The following DNAJC3 variants were observed in gnomAD, a reference collection of about 807,000 sequenced individuals.
DNAJC3 encodes dnaJ homolog subfamily C member 3.
DNAJC3 carries 38 observed loss-of-function variants against 68.6 expected under a neutral mutation model. That is an observed-to-expected ratio of 0.55 (90% confidence interval 0.43 to 0.73). DNAJC3 has a LOEUF of 0.73. DNAJC3 is among the 30% of genes least tolerant of loss of function. DNAJC3 has a pLI of 0.00. For missense variants in DNAJC3, 526 were observed against 591.9 expected, an observed-to-expected ratio of 0.89 and a Z score of 1.16; for synonymous variants, 203 against 204.0, an observed-to-expected ratio of 1.00 and a Z score of 0.04.
In DNAJC3 at chr13:95,740,317, C is replaced by G. The variant is rs1665583632; in HGVS notation, c.393+15065C>G. ...GAGCCTACAGAGGCAGGCAGGCCTC[C>G]TTGAGCTGTGGTGGGCTCCACCCAG... is the stretch of plus-strand genomic sequence containing the variant. On this transcript the variant is annotated intron_variant, in intron 4 of 11. Coordinates refer to ENST00000602402, the MANE Select transcript of DNAJC3 (RefSeq NM_006260.5). Among the ~76,000 whole-genome samples the G allele has an allele frequency of 2.0e-5, 3 of 152,222 alleles. No individual in the cohort carries two copies. The South Asian group carries it at 6.2e-4, about 31-fold the overall frequency.
At chr13:95,720,168 G>A (rs1425563466) in intron 2 of DNAJC3, among the ~76,000 whole-genome samples, 1 of 152,052 alleles carries the variant, frequency 6.6e-6, no homozygotes. Context: ...TTTGAGAGAA[G>A]GAAAGGTTTA....
At chr13:95,739,854 A>T (rs1322990278) in intron 4 of DNAJC3, among the ~76,000 whole-genome samples, 14 of 152,310 alleles carry the variant, frequency 9.2e-5, no homozygotes, top group Non-Finnish European at 7.3e-5. Flanking sequence ...GTTGCTGGTG[A>T]GGAACTGCGT....
At chr13:95,749,774 G>A (rs577245249) in intron 4 of DNAJC3, among the ~76,000 whole-genome samples, 2 of 152,084 alleles carry the variant, frequency 1.3e-5, no homozygotes, top group Admixed American at 1.3e-4. Context: ...TTTCAGCCAG[G>A]TGCAGTGGCT....
intron 1 of DNAJC3, among the ~76,000 whole-genome samples, chr13:95,683,487 G>A (rs1460069763): frequency 6.6e-6 from 1 of 152,148 alleles, no homozygotes; most frequent in Non-Finnish European, 1.5e-5. Context: ...CCCCCTCTCT[G>A]TCTTCCTCCG....
At chr13:95,722,144 T>C (rs1881343235) in intron 2 of DNAJC3, among the ~76,000 whole-genome samples, 1 of 152,226 alleles carries the variant, frequency 6.6e-6, no homozygotes, top group African/African-American at 2.4e-5. Flanking sequence ...GAATCCACTC[T>C]TTTCTGTACT....
chr13:95,727,451 AG>A, intron 4 of DNAJC3, among the ~76,000 whole-genome samples: 1 of 152,310 alleles, frequency 6.6e-6, no homozygotes, highest in Admixed American at 6.5e-5. Context: ...GTGTTCTTAA[AG>A]CAAACTATTT....
At chr13:95,714,899 C>A (rs1023746129) in intron 2 of DNAJC3, among the ~76,000 whole-genome samples, 1 of 152,058 alleles carries the variant, frequency 6.6e-6, no homozygotes, top group South Asian at 2.1e-4. Context: ...TAATTAAAGT[C>A]GGTTTAAATG....
chr13:95,763,977 G>T, intron 9 of DNAJC3, 24 bp downstream of exon 9: 2 of 1,612,318 alleles, frequency 1.2e-6, no homozygotes, highest in African/African-American at 2.7e-5. Context: ...GATTTGATTT[G>T]CAGTACCGAA....
At chr13:95,718,074 T>C (rs1287807566) in intron 2 of DNAJC3, among the ~76,000 whole-genome samples, 2 of 152,252 alleles carry the variant, frequency 1.3e-5, no homozygotes, top group Non-Finnish European at 2.9e-5. Context: ...CCATCTCCCA[T>C]GTTCAAGTTT....
intron 9 of DNAJC3, among the ~76,000 whole-genome samples, chr13:95,764,371 CTCTCTATA>C (rs1202757852): frequency 1.5e-5 from 2 of 132,728 alleles, no homozygotes; most frequent in South Asian, 2.4e-4. Flanking sequence ...CTCTCTCTCT[CTCTCTATA>C]TATATATATA....
At chr13:95,735,772 G>T (rs1881891656) in intron 4 of DNAJC3, among the ~76,000 whole-genome samples, 1 of 151,940 alleles carries the variant, frequency 6.6e-6, no homozygotes, top group African/African-American at 2.4e-5. Context: ...TTTGTAGGTT[G>T]CCTGTTCACT....
chr13:95,703,336 A>G (rs1032833157), intron 1 of DNAJC3, among the ~76,000 whole-genome samples: 3 of 152,244 alleles, frequency 2.0e-5, no homozygotes, highest in South Asian at 2.1e-4. Context: ...GAGCATAGGA[A>G]CACCTGACAG....
At chr13:95,696,393 A>G (rs993905231) in intron 1 of DNAJC3, among the ~76,000 whole-genome samples, 4 of 152,180 alleles carry the variant, frequency 2.6e-5, no homozygotes, top group African/African-American at 4.8e-5. Flanking sequence ...CCTCAGGGCC[A>G]TGAAACTAAG....
At chr13:95,790,579 T>C (rs1055160167) in intron 11 of DNAJC3, among the ~76,000 whole-genome samples, 3 of 152,170 alleles carry the variant, frequency 2.0e-5, no homozygotes, top group African/African-American at 2.4e-5. Flanking sequence ...AATAATTTCA[T>C]TGGGTAGTTA....
At chr13:95,720,529 G>T (rs1227941885) in intron 2 of DNAJC3, among the ~76,000 whole-genome samples, 3 of 151,974 alleles carry the variant, frequency 2.0e-5, no homozygotes, top group Non-Finnish European at 2.9e-5. Context: ...TCATTCTATG[G>T]CCAGTTCACA....
At chr13:95,741,691 T>C (rs534841223) in intron 4 of DNAJC3, among the ~76,000 whole-genome samples, 1 of 152,212 alleles carries the variant, frequency 6.6e-6, no homozygotes, top group East Asian at 1.9e-4. Flanking sequence ...TCTGAGGTGG[T>C]CTTGGCGATG....
At chr13:95,784,558 C>G in intron 9 of DNAJC3, among the ~76,000 whole-genome samples, 1 of 152,116 alleles carries the variant, frequency 6.6e-6, no homozygotes, top group South Asian at 2.1e-4. Flanking sequence ...TCACTAGACA[C>G]GTTCTGTCTG....
chr13:95,783,528 T>G (rs1469182079), intron 9 of DNAJC3, among the ~76,000 whole-genome samples: 1 of 152,212 alleles, frequency 6.6e-6, no homozygotes, highest in East Asian at 1.9e-4. Flanking sequence ...TACTACTGTT[T>G]ATGATGGTTT....
intron 4 of DNAJC3, among the ~76,000 whole-genome samples, chr13:95,735,659 G>C (rs897115151): frequency 4.0e-5 from 6 of 149,854 alleles, no homozygotes; most frequent in Non-Finnish European, 8.9e-5. Flanking sequence ...CCCACTTTTT[G>C]ATGGGGTTGT....
Sources: allele counts gnomAD v4.1 joint callset (sites outside exome capture counted in the v4.1 genomes callset), GRCh38; gene constraint gnomAD v4.1.1; transcripts MANE v1.5; gene names NCBI Gene and HGNC (gene_info 2026-07-23, HGNC 2026-07-21).